ADAMTSL1: variants seen among roughly 807,000 people sequenced by gnomAD.
ADAMTSL1 encodes ADAMTS like 1.
A neutral mutation model predicts 201.8 loss-of-function variants in ADAMTSL1; 126 were observed. That is an observed-to-expected ratio of 0.62 (90% CI 0.54 to 0.72). The LOEUF is 0.72. ADAMTSL1 is among the 30% of genes least tolerant of loss of function. The pLI, the probability that ADAMTSL1 is intolerant of heterozygous loss-of-function variation, is 0.00. For synonymous variants in ADAMTSL1, 1,121 were observed against 903.4 expected, an observed-to-expected ratio of 1.24 and a Z score of -4.32; for missense variants, 2,679 against 2,277.8, an observed-to-expected ratio of 1.18 and a Z score of -3.59.
chr9:17,963,337 A>G lies in ADAMTSL1; in HGVS notation c.87+56415A>G, dbSNP rs139799527. Among the ~76,000 whole-genome samples the G allele has an allele frequency of 6.4e-3, 980 of 152,322 alleles. 10 individuals are homozygous for G. Among genetic ancestry groups the G allele is most frequent in the African/African-American group, 0.022 (929 of 41,580 alleles). On this transcript the variant is annotated intron_variant, in intron 1 of 29. Coordinates refer to the ADAMTSL1 transcript ENST00000680146. ...ATGGTTGGAGTTTTTAAACATAGAT[A>G]CTAAAGAAGGCTAGATATTAGACTG... is the stretch of plus-strand genomic sequence containing the variant.
chr9:18,336,594 T>A (rs879817536), intron 2 of ADAMTSL1, among the ~76,000 whole-genome samples: 2 of 152,288 alleles, frequency 1.3e-5, no homozygotes, highest in Non-Finnish European at 2.9e-5. Flanking sequence ...TCATAGAATT[T>A]AAAATTTTTA....
intron 2 of ADAMTSL1, among the ~76,000 whole-genome samples, chr9:18,335,912 A>G (rs1338105625): frequency 6.6e-6 from 1 of 152,178 alleles, no homozygotes; most frequent in African/African-American, 2.4e-5. Context: ...AAAATTCTGG[A>G]TTCCTGCCCT....
intron 1 of ADAMTSL1, among the ~76,000 whole-genome samples, chr9:18,481,431 G>C (rs941863415): frequency 1.3e-5 from 2 of 151,694 alleles, no homozygotes; most frequent in African/African-American, 4.8e-5. Flanking sequence ...TATAATCCCA[G>C]CTACGGAGAT....
chr9:18,592,604 A>G (rs1823996232), intron 4 of ADAMTSL1, among the ~76,000 whole-genome samples: 1 of 152,116 alleles, frequency 6.6e-6, no homozygotes, highest in Non-Finnish European at 1.5e-5. Flanking sequence ...TCTCAGTACC[A>G]TGCTATTTTC....
chr9:18,065,985 CAAAAAAAA>C (rs34179730), intron 1 of ADAMTSL1, among the ~76,000 whole-genome samples: 43 of 38,138 alleles, frequency 1.1e-3, no homozygotes, highest in African/African-American at 3.6e-3. Flanking sequence ...GACTCCATCT[CAAAAAAAA>C]AAAAAAAAAA....
At chr9:18,875,159 T>C (rs1828074092) in intron 23 of ADAMTSL1, among the ~76,000 whole-genome samples, 1 of 152,138 alleles carries the variant, frequency 6.6e-6, no homozygotes, top group Non-Finnish European at 1.5e-5. Context: ...TCTCTCTTCT[T>C]GGTTAACCCA....
At chr9:18,768,992 AC>A (rs1820526120) in intron 16 of ADAMTSL1, among the ~76,000 whole-genome samples, 1 of 152,190 alleles carries the variant, frequency 6.6e-6, no homozygotes, top group South Asian at 2.1e-4. Flanking sequence ...AAAAACTGGT[AC>A]CTGGGAGCCA....
chr9:18,406,164 T>C (rs569178590), intron 2 of ADAMTSL1, among the ~76,000 whole-genome samples: 98 of 152,296 alleles, frequency 6.4e-4, no homozygotes, highest in Non-Finnish European at 1.3e-3. Context: ...AGCAATCTAG[T>C]TTTCCATTGC....
intron 14 of ADAMTSL1, among the ~76,000 whole-genome samples, chr9:18,712,200 T>C (rs1832659762): frequency 6.6e-6 from 1 of 152,142 alleles, no homozygotes; most frequent in African/African-American, 2.4e-5. Context: ...CCTCTCCTCC[T>C]CCAAAGGATC....
At chr9:18,266,554 T>C (rs540153986) in intron 2 of ADAMTSL1, among the ~76,000 whole-genome samples, 2 of 152,212 alleles carry the variant, frequency 1.3e-5, no homozygotes, top group Non-Finnish European at 2.9e-5. Context: ...CGATGAGCTC[T>C]GGGAAAGCTA....
intron 2 of ADAMTSL1, among the ~76,000 whole-genome samples, chr9:18,275,835 C>G (rs1272673919): frequency 6.6e-6 from 1 of 152,062 alleles, no homozygotes; most frequent in Non-Finnish European, 1.5e-5. Flanking sequence ...GTGTGCAGGT[C>G]TTTATGTAGG....
rs1307668087 is a variant in ADAMTSL1 at position 18,675,880 on chromosome 9, C to A, written c.1109C>A (p.Pro370His). The A allele has an allele frequency of 1.2e-6, 2 of 1,613,188 alleles. No individual in the cohort carries two copies. Among genetic ancestry groups the A allele is most frequent in the Middle Eastern group, 1.7e-4 (1 of 6,054 alleles). The change falls in exon 10 of 29, where the codon CCT becomes CAT. Residue 370 changes from proline (P) to histidine (H), a missense_variant. By Grantham distance (77) the Pro-to-His change is moderately conservative. Transcript: ENST00000380548. ...PASDGYKQIM[P>H]YDLYHPLPRW... ...AGTGACGGATACAAGCAGATCATGC[C>A]TTATGACCTCTACCATCCCCTTCCT...
chr9:18,795,915 G>C (rs1042800128), intron 20 of ADAMTSL1, among the ~76,000 whole-genome samples: 1 of 152,174 alleles, frequency 6.6e-6, no homozygotes, highest in Non-Finnish European at 1.5e-5. Context: ...TGTTCCACCT[G>C]TTGCAAGAAA....
intron 1 of ADAMTSL1, among the ~76,000 whole-genome samples, chr9:17,976,751 C>G (rs1383796068): frequency 7.2e-6 from 1 of 138,986 alleles, no homozygotes; most frequent in Non-Finnish European, 1.6e-5. Context: ...CCTCCCCGAT[C>G]CATCCATCCA....
intron 5 of ADAMTSL1, among the ~76,000 whole-genome samples, chr9:18,629,119 T>G (rs950666939): frequency 1.3e-5 from 2 of 152,222 alleles, no homozygotes; most frequent in Non-Finnish European, 2.9e-5. Context: ...TTATGTAAAC[T>G]TGATACACTC....
intron 13 of ADAMTSL1, among the ~76,000 whole-genome samples, chr9:18,695,681 T>A (rs1416270613): frequency 2.0e-5 from 3 of 152,216 alleles, no homozygotes; most frequent in African/African-American, 4.8e-5. Context: ...ATTTACCAAG[T>A]CTTTAGGAAA....
intron 2 of ADAMTSL1, among the ~76,000 whole-genome samples, chr9:18,168,137 A>G (rs1420835048): frequency 6.6e-6 from 1 of 151,878 alleles, no homozygotes; most frequent in Admixed American, 6.6e-5. Flanking sequence ...TTAATACTTT[A>G]AGTTTTAGGA....
chr9:18,774,056 TA>T (rs1276961721), intron 17 of ADAMTSL1, among the ~76,000 whole-genome samples: 1 of 152,204 alleles, frequency 6.6e-6, no homozygotes, highest in Non-Finnish European at 1.5e-5. Flanking sequence ...CTTGAAAATA[TA>T]AGATCATTTT....
chr9:18,107,296 A>T (rs1203787918), intron 1 of ADAMTSL1, among the ~76,000 whole-genome samples: 1 of 152,152 alleles, frequency 6.6e-6, no homozygotes, highest in Non-Finnish European at 1.5e-5. Context: ...TTTTACATTG[A>T]TGGGCTCCAT....
Sources: gnomAD v4.1 joint callset for allele counts (sites outside exome capture counted in the v4.1 genomes callset) on GRCh38, gnomAD v4.1.1 for gene constraint, MANE v1.5 for transcripts, NCBI Gene and HGNC (gene_info 2026-07-23, HGNC 2026-07-21) for gene names.